The following TMEM132D variants were observed in gnomAD, a reference collection of about 807,000 sequenced individuals.
TMEM132D encodes transmembrane protein 132D.
In TMEM132D, 21 loss-of-function variants were observed where a neutral mutation model predicts 62.3. That is an observed-to-expected ratio of 0.34 (90% confidence interval 0.24 to 0.49). The LOEUF (loss-of-function observed/expected upper bound fraction) is 0.49. TMEM132D is among the 20% of genes least tolerant of loss of function. TMEM132D has a pLI of 0.99. For missense variants in TMEM132D, 1,346 were observed against 1,402.8 expected, an observed-to-expected ratio of 0.96 and a Z score of 0.65; for synonymous variants, 621 against 575.6, an observed-to-expected ratio of 1.08 and a Z score of -1.13.
intron 5 of TMEM132D, among the ~76,000 whole-genome samples, chr12:129,140,311 T>A (rs988742577): frequency 2.0e-5 from 3 of 152,076 alleles, no homozygotes; most frequent in Non-Finnish European, 4.4e-5. Context: ...TATGTACATG[T>A]GTATCAAACT....
chr12:129,832,020 C>A (rs1167644917), intron 1 of TMEM132D, among the ~76,000 whole-genome samples: 7 of 147,542 alleles, frequency 4.7e-5, no homozygotes, highest in African/African-American at 1.5e-4. Flanking sequence ...CAGGCACCTG[C>A]CACCATGCCC....
chr12:129,105,468 C>T (rs1294633036), intron 5 of TMEM132D, among the ~76,000 whole-genome samples: 19 of 141,648 alleles, frequency 1.3e-4, no homozygotes, highest in African/African-American at 5.0e-4. Context: ...GGGTGCAGCG[C>T]ACCAGCATGG....
chr12:129,584,841 G>T (rs951591660), intron 2 of TMEM132D, among the ~76,000 whole-genome samples: 1 of 152,108 alleles, frequency 6.6e-6, no homozygotes, highest in Admixed American at 6.5e-5. Flanking sequence ...AGAAAGAACG[G>T]CTCCACATGT....
intron 1 of TMEM132D, among the ~76,000 whole-genome samples, chr12:129,778,114 CAA>C (rs35384142): frequency 0.033 from 2,784 of 85,310 alleles, 46 homozygotes; most frequent in African/African-American, 0.095. Flanking sequence ...GACCCTGTCT[CAA>C]AAAAAAAAAA....
intron 2 of TMEM132D, among the ~76,000 whole-genome samples, chr12:129,671,611 G>A (rs765809724): frequency 7.2e-5 from 11 of 152,206 alleles, no homozygotes; most frequent in South Asian, 2.1e-4. Context: ...GGGCTGAAGC[G>A]TTTTTGAAAC....
chr12:129,729,381 A>T (rs373736157), intron 1 of TMEM132D, among the ~76,000 whole-genome samples: 1 of 152,312 alleles, frequency 6.6e-6, no homozygotes, highest in African/African-American at 2.4e-5. Flanking sequence ...TGTTCTATGC[A>T]TTGCAGAAAA....
intron 2 of TMEM132D, among the ~76,000 whole-genome samples, chr12:129,647,241 CTG>C (rs1879808454): frequency 1.3e-5 from 1 of 75,358 alleles, no homozygotes; most frequent in South Asian, 5.2e-4. Flanking sequence ...CTTTGTTTTT[CTG>C]TTTTTTTTTT....
intron 1 of TMEM132D, among the ~76,000 whole-genome samples, chr12:129,825,718 G>A (rs1197901777): frequency 6.6e-6 from 1 of 152,130 alleles, no homozygotes; most frequent in African/African-American, 2.4e-5. Context: ...GACGCCCACT[G>A]TGGCTGCCAT....
chr12:129,445,936 A>C (rs1873083502), intron 3 of TMEM132D, among the ~76,000 whole-genome samples: 1 of 152,170 alleles, frequency 6.6e-6, no homozygotes, highest in Admixed American at 6.5e-5. Context: ...CAAAGTCCTC[A>C]GCGTATCCCC....
intron 3 of TMEM132D, among the ~76,000 whole-genome samples, chr12:129,412,992 A>G (rs757832988): frequency 3.9e-5 from 6 of 152,160 alleles, no homozygotes; most frequent in Non-Finnish European, 5.9e-5. Context: ...CATTTCCATG[A>G]GAAAAATAAT....
intron 2 of TMEM132D, among the ~76,000 whole-genome samples, chr12:129,543,767 C>T (rs1426965975): frequency 6.6e-6 from 1 of 152,162 alleles, no homozygotes; most frequent in African/African-American, 2.4e-5. Flanking sequence ...CAAATATATA[C>T]ATAAAAACAT....
chr12:129,897,756 T>C (rs1234806996), intron 1 of TMEM132D, among the ~76,000 whole-genome samples: 1 of 152,216 alleles, frequency 6.6e-6, no homozygotes, highest in African/African-American at 2.4e-5. Context: ...GTTCATTTAT[T>C]CATTTGCTCA....
chr12:129,772,645 C>T (rs967722470), intron 1 of TMEM132D, among the ~76,000 whole-genome samples: 1 of 152,182 alleles, frequency 6.6e-6, no homozygotes, highest in Non-Finnish European at 1.5e-5. Flanking sequence ...TTGTCTGTTC[C>T]TACTCTTTCA....
intron 1 of TMEM132D, among the ~76,000 whole-genome samples, chr12:129,776,788 C>CAAAAAAAAA (rs148740560): frequency 1.5e-5 from 1 of 68,460 alleles, no homozygotes; most frequent in African/African-American, 4.3e-5. Context: ...TAATGGGCTT[C>CAAAAAAAAA]AAAAAAAAAA....
chr12:129,487,031 T>TGGG (rs533544416), intron 3 of TMEM132D, among the ~76,000 whole-genome samples: 1 of 70,528 alleles, frequency 1.4e-5, no homozygotes, highest in South Asian at 6.2e-4. Context: ...TGTTTGCGTA[T>TGGG]GGGGGGGGGG....
At chr12:129,639,979 TC>T (rs1879599856) in intron 2 of TMEM132D, among the ~76,000 whole-genome samples, 1 of 152,032 alleles carries the variant, frequency 6.6e-6, no homozygotes, top group Non-Finnish European at 1.5e-5. Context: ...ATGTATCAAA[TC>T]CCCCAATACT....
chr12:129,694,323 A>C (rs1012664089), intron 2 of TMEM132D, among the ~76,000 whole-genome samples: 1 of 152,196 alleles, frequency 6.6e-6, no homozygotes, highest in African/African-American at 2.4e-5. Context: ...ACAAATCCCA[A>C]TTGAAGGACA....
At chr12:129,360,332 C>G (rs771173834) in intron 3 of TMEM132D, among the ~76,000 whole-genome samples, 2 of 152,212 alleles carry the variant, frequency 1.3e-5, no homozygotes, top group Non-Finnish European at 2.9e-5. Flanking sequence ...CCTTCTCCAG[C>G]CTGGGTGGGC....
At chr12:129,682,490 G>C in intron 2 of TMEM132D, among the ~76,000 whole-genome samples, 1 of 152,086 alleles carries the variant, frequency 6.6e-6, no homozygotes, top group East Asian at 1.9e-4. Context: ...CAGCCCTTTT[G>C]TTTTGAAAAT....
Sources: allele counts gnomAD v4.1 joint callset (sites outside exome capture counted in the v4.1 genomes callset), GRCh38; gene constraint gnomAD v4.1.1; transcripts MANE v1.5; gene names NCBI Gene and HGNC (gene_info 2026-07-23, HGNC 2026-07-21).